DACH1: variants seen among roughly 807,000 people sequenced by gnomAD.
DACH1 encodes the protein dachshund family transcription factor 1.
A neutral mutation model predicts 54.2 loss-of-function variants in DACH1; 12 were observed. The ratio of observed to expected loss-of-function variants is 0.22; its 90% confidence interval spans 0.14 to 0.36. The LOEUF (loss-of-function observed/expected upper bound fraction) is 0.36, where lower values mean the gene tolerates loss of function less well. Among genes scored for constraint, DACH1 ranks in the 10% least tolerant of loss-of-function variants. DACH1 has a pLI of 1.00. For missense variants in DACH1, 805 were observed against 929.8 expected (o/e 0.87, Z 1.75); for synonymous variants, 386 against 366.2 (o/e 1.05, Z -0.62).
At chr13:71,693,609 C>T (rs1444938384) in intron 1 of DACH1, among the ~76,000 whole-genome samples, 4 of 151,812 alleles carry the variant, frequency 2.6e-5, no homozygotes, top group South Asian at 2.1e-4. Flanking sequence ...TGAGCCACCG[C>T]GCCCGGCCTG....
At chr13:71,482,110 A>G (rs977954900) in intron 7 of DACH1, among the ~76,000 whole-genome samples, 3 of 152,228 alleles carry the variant, frequency 2.0e-5, no homozygotes, top group Middle Eastern at 3.2e-3. Flanking sequence ...GTGAGAGACA[A>G]TAGTTGATTG....
At chr13:71,607,615 C>G (rs1370878818) in intron 3 of DACH1, among the ~76,000 whole-genome samples, 8 of 151,878 alleles carry the variant, frequency 5.3e-5, no homozygotes, top group African/African-American at 1.9e-4. Context: ...CCCTTAAAGA[C>G]CAGTGTGATA....
chr13:71,786,545 A>G (rs981633760), intron 1 of DACH1, among the ~76,000 whole-genome samples: 4 of 152,182 alleles, frequency 2.6e-5, no homozygotes, highest in African/African-American at 7.2e-5. Flanking sequence ...ATAAAATTAG[A>G]TCTTTACAAC....
chr13:71,748,955 TCTTTCTTTC>T (rs747826633), intron 1 of DACH1, among the ~76,000 whole-genome samples: 19,652 of 62,016 alleles, frequency 0.32, 3,453 homozygotes, highest in Non-Finnish European at 0.48. Flanking sequence ...TTTCTTTCTC[TCTTTCTTTC>T]TCTCTCTCTC....
chr13:71,863,247 G>A (rs757684135), intron 1 of DACH1, among the ~76,000 whole-genome samples: 4 of 152,012 alleles, frequency 2.6e-5, no homozygotes, highest in Non-Finnish European at 4.4e-5. Flanking sequence ...TGGTGAGAGG[G>A]AGTTCCATTA....
chr13:71,559,911 C>T lies in DACH1; in HGVS notation c.1344G>A (p.Glu448=), dbSNP rs746180530. The change falls in exon 5 of 11, where the codon GAG becomes GAA. Residue 448 remains glutamate (E), a synonymous_variant. Transcript: ENST00000613252. ...ATGGGTGACTGCCAGGCCTTCTCCCCTCCTCCAGAGAGGGGGCAGGTGAGG... is the reference window on the plus strand; with the variant it reads ...ATGGGTGACTGCCAGGCCTTCTCCCTTCCTCCAGAGAGGGGGCAGGTGAGG... ...DSPSPAPSLE[E]GRRPGSHPSS... 6.2e-7 allele frequency: 1 copy of T among 1,607,642 alleles called. No homozygotes were observed. Among genetic ancestry groups the T allele is most frequent in the African/African-American group, 1.3e-5 (1 of 74,588 alleles).
At chr13:71,581,964 G>C (rs931908615) in intron 3 of DACH1, among the ~76,000 whole-genome samples, 3 of 152,090 alleles carry the variant, frequency 2.0e-5, no homozygotes, top group Non-Finnish European at 1.5e-5. Flanking sequence ...TGACAACAGG[G>C]AATTATAAAT....
At position 71,636,263 on chromosome 13, in the gene DACH1, A is replaced by T. The variant is rs529808523; in HGVS notation, c.965-5546T>A. The stretch of plus-strand genomic sequence containing the variant: ...CACATTGCATAAAAGTATCTCCTAC[A>T]CCAAGACAAAAATGTACTGAACTGA... On this transcript the variant is annotated intron_variant, in intron 2 of 10. Transcript: ENST00000613252. Among the ~76,000 whole-genome samples, 4 of 152,258 alleles carry T rather than the reference A, an allele frequency of 2.6e-5. 1 individual carries two copies. The highest frequency in any genetic ancestry group is 2.6e-4 in the Admixed American group (4 of 15,292).
chr13:71,465,750 T>A lies in DACH1; in HGVS notation c.2083+9391A>T, dbSNP rs988297695. 2.0e-5 allele frequency among the ~76,000 whole-genome samples: 3 copies of A among 152,250 alleles called. No homozygotes were observed. In the East Asian group the frequency reaches 5.8e-4, roughly 29 times the overall value. ...TAATACTATACTGTATAAAAATGCT[T>A]AAAAATTAACGTATTGACTATAATG... On this transcript the variant is annotated intron_variant, in intron 10 of 10. Coordinates refer to ENST00000613252, the MANE Select transcript of DACH1 (RefSeq NM_080759.6).
chr13:71,618,712 T>C (rs1875972475), intron 3 of DACH1, among the ~76,000 whole-genome samples: 1 of 151,920 alleles, frequency 6.6e-6, no homozygotes, highest in Non-Finnish European at 1.5e-5. Context: ...ACTGCTCAGA[T>C]TTTATTTTAA....
intron 6 of DACH1, among the ~76,000 whole-genome samples, chr13:71,497,001 C>A (rs1435416187): frequency 6.6e-6 from 1 of 151,910 alleles, no homozygotes; most frequent in African/African-American, 2.4e-5. Flanking sequence ...AAAAGCAAAC[C>A]AGGCTTGATT....
At chr13:71,705,424 T>C (rs1166514353) in intron 1 of DACH1, among the ~76,000 whole-genome samples, 3 of 152,212 alleles carry the variant, frequency 2.0e-5, no homozygotes, top group Non-Finnish European at 4.4e-5. Context: ...CAAACCTGTC[T>C]GCAAATGAGC....
At chr13:71,581,681 A>T (rs996781135) in intron 3 of DACH1, among the ~76,000 whole-genome samples, 1 of 152,206 alleles carries the variant, frequency 6.6e-6, no homozygotes, top group Non-Finnish European at 1.5e-5. Flanking sequence ...AAGTGAGTAA[A>T]ATATGAAAGA....
At chr13:71,540,575 C>T (rs895307859) in intron 6 of DACH1, among the ~76,000 whole-genome samples, 5 of 152,002 alleles carry the variant, frequency 3.3e-5, no homozygotes, top group African/African-American at 7.2e-5. Context: ...CATATATCAC[C>T]ATAACTATCA....
intron 1 of DACH1, among the ~76,000 whole-genome samples, chr13:71,780,391 G>A (rs1886321801): frequency 6.6e-6 from 1 of 151,936 alleles, no homozygotes; most frequent in Non-Finnish European, 1.5e-5. Context: ...AGAGGATTCT[G>A]GAGCACTTTA....
intron 1 of DACH1, among the ~76,000 whole-genome samples, chr13:71,707,325 G>A (rs1276882046): frequency 6.6e-6 from 1 of 152,228 alleles, no homozygotes; most frequent in African/African-American, 2.4e-5. Context: ...TGGATTTAAT[G>A]CTCTGCTGTC....
chr13:71,857,621 A>C lies in DACH1; in HGVS notation c.848+8301T>G, dbSNP rs548614933. Among the ~76,000 whole-genome samples the C allele has an allele frequency of 2.6e-5, 4 of 151,840 alleles. No homozygotes were observed. The South Asian group carries it at 8.3e-4, about 31-fold the overall frequency. ...CAGAGTTCTCTAAACTACTGATAAA[A>C]ATTTTACACTTGTTGCACACACAAG... is the stretch of plus-strand genomic sequence containing the variant. On this transcript the variant is annotated intron_variant, in intron 1 of 10. Coordinates refer to ENST00000613252, the MANE Select transcript of DACH1 (RefSeq NM_080759.6).
chr13:71,486,152 C>G (rs1878485316), intron 7 of DACH1, among the ~76,000 whole-genome samples: 1 of 151,506 alleles, frequency 6.6e-6, no homozygotes, highest in South Asian at 2.1e-4. Context: ...AAAATCCAGG[C>G]TTTTTAAATT....
intron 1 of DACH1, among the ~76,000 whole-genome samples, chr13:71,733,807 A>T (rs1883862470): frequency 6.6e-6 from 1 of 152,082 alleles, no homozygotes; most frequent in African/African-American, 2.4e-5. Context: ...GTTATATGTA[A>T]TTTTGGTTCA....
Sources: allele counts gnomAD v4.1 joint callset (sites outside exome capture counted in the v4.1 genomes callset), GRCh38; gene constraint gnomAD v4.1.1; transcripts MANE v1.5; gene names NCBI Gene and HGNC (gene_info 2026-07-23, HGNC 2026-07-21).